The following CHD1L variants were observed in gnomAD, a reference collection of about 807,000 sequenced individuals.
CHD1L encodes the protein ATP-dependent chromatin remodeler CHD1L.
CHD1L carries 118 observed loss-of-function variants against 115.9 expected under a neutral mutation model. That is an observed-to-expected ratio of 1.02 (90% CI 0.88 to 1.19). The LOEUF is 1.19. Among genes scored for constraint, CHD1L ranks in the 50% most tolerant of loss-of-function variants. The pLI is 0.00. For missense variants in CHD1L, 1,179 were observed against 1,065.3 expected, an observed-to-expected ratio of 1.11 and a Z score of -1.49; for synonymous variants, 411 against 387.1, an observed-to-expected ratio of 1.06 and a Z score of -0.72.
chr1:147,179,363 A>C, the CHD1L span: 5 of 1,600,344 alleles, frequency 3.1e-6, no homozygotes, highest in Admixed American at 5.0e-5. Flanking sequence ...CCCAAGTATA[A>C]AGAACTTGGC....
the CHD1L span, chr1:147,203,854 C>A: frequency 7.0e-6 from 11 of 1,580,676 alleles, no homozygotes; most frequent in Non-Finnish European, 9.6e-6. Context: ...TAAAAACCAC[C>A]ACCTGAGTAT....
chr1:147,277,728 G>A (rs59213667), intron 14 of CHD1L, among the ~76,000 whole-genome samples: 2,138 of 152,186 alleles, frequency 0.014, 42 homozygotes, highest in African/African-American at 0.049. Flanking sequence ...GAGAGGTAGA[G>A]GTACGCTGTA....
chr1:147,284,372 A>G lies in CHD1L; in HGVS notation c.1727A>G (p.Glu576Gly), dbSNP rs368117603. 39 of 1,581,924 alleles carry G rather than the reference A, an allele frequency of 2.5e-5. No homozygotes were observed. The highest frequency in any genetic ancestry group is 3.3e-5 in the Non-Finnish European group (38 of 1,164,456). Residue 576 changes from glutamate to glycine, a missense_variant, in exon 16 of 23, where the codon GAA (glutamate) becomes GGA (glycine). Physicochemically the swap from Glu to Gly is moderately conservative, Grantham distance 98. Transcript: ENST00000369258. ...EEGKNHMYLF[E>G]GKDYSKEPSK... ...TTAGAAAATCATATGTACTTATTTG[A>G]AGGTAAAGATTATTCTAAAGAGCCC...
chr1:147,233,446 C>T, the CHD1L span, among the ~76,000 whole-genome samples: 2 of 128,594 alleles, frequency 1.6e-5, no homozygotes, highest in African/African-American at 6.9e-5. Context: ...CCCGCCCGGC[C>T]AGCCGCCCCG....
the CHD1L span, chr1:147,179,393 T>C: frequency 1.3e-4 from 204 of 1,598,928 alleles, no homozygotes; most frequent in East Asian, 3.7e-3. Flanking sequence ...AGCAAAGACC[T>C]GAATATCGTC....
At chr1:147,231,794 G>T in the CHD1L span, among the ~76,000 whole-genome samples, 1 of 152,118 alleles carries the variant, frequency 6.6e-6, no homozygotes, top group South Asian at 2.1e-4. Context: ...GCAGTATTAG[G>T]GTGGGAGTGA....
chr1:147,211,736 G>A, the CHD1L span, among the ~76,000 whole-genome samples: 1 of 152,108 alleles, frequency 6.6e-6, no homozygotes, highest in African/African-American at 2.4e-5. Flanking sequence ...TTCAAAGTCT[G>A]CTATACAAAA....
the CHD1L span, among the ~76,000 whole-genome samples, chr1:147,224,686 A>G: frequency 6.6e-6 from 1 of 151,686 alleles, no homozygotes; most frequent in Non-Finnish European, 1.5e-5. Context: ...ATTTTTTTGC[A>G]TTTTTAGTAG....
At chr1:147,279,364 G>T (rs1418305257) in intron 14 of CHD1L, among the ~76,000 whole-genome samples, 1 of 152,146 alleles carries the variant, frequency 6.6e-6, no homozygotes, top group African/African-American at 2.4e-5. Context: ...TTTCTGCATG[G>T]TTCCTACAGC....
chr1:147,196,609 T>A, the CHD1L span, among the ~76,000 whole-genome samples: 1 of 152,080 alleles, frequency 6.6e-6, no homozygotes, highest in Admixed American at 6.5e-5. Context: ...AATTAAAAAA[T>A]TTTAAAAAGA....
intron 5 of CHD1L, among the ~76,000 whole-genome samples, chr1:147,258,612 C>T (rs1428103363): frequency 6.6e-6 from 1 of 152,162 alleles, no homozygotes; most frequent in African/African-American, 2.4e-5. Context: ...CCTCCCTCTA[C>T]TCGCTTCTCT....
chr1:147,287,834 G>T, intron 19 of CHD1L, 101 bp downstream of exon 19: 1 of 949,558 alleles, frequency 1.1e-6, no homozygotes, highest in Non-Finnish European at 1.6e-6. Context: ...TAAGGAATTA[G>T]AATAACCAGT....
intron 6 of CHD1L, among the ~76,000 whole-genome samples, chr1:147,261,230 A>C (rs1195379277): frequency 6.6e-6 from 1 of 152,066 alleles, no homozygotes; most frequent in Non-Finnish European, 1.5e-5. Context: ...TTTTTCACAG[A>C]CTGGGTAATT....
Position 147,275,926 on chromosome 1 carries a change from A to G in CHD1L, c.1386-178A>G, listed in dbSNP as rs141317534. Among the ~76,000 whole-genome samples, 898 of 152,340 alleles carry G rather than the reference A, an allele frequency of 5.9e-3. 4 individuals are homozygous for G. Among genetic ancestry groups the G allele is most frequent in the Non-Finnish European group, 9.3e-3 (634 of 68,028 alleles). On this transcript the variant is annotated intron_variant, in intron 13 of 22. Coordinates refer to ENST00000369258, the MANE Select transcript of CHD1L (RefSeq NM_004284.6). ...TTTGACTGTCTGGAATGGTTCAGAG[A>G]GAATTTCAGGCGAGTTCTCTCTAAC...
the CHD1L span, chr1:147,212,432 T>C: frequency 1.9e-5 from 30 of 1,613,958 alleles, no homozygotes; most frequent in Non-Finnish European, 2.5e-5. Flanking sequence ...CCAGATCCCC[T>C]CCAGAATTCC....
chr1:147,273,953 G>A (rs181802223), intron 12 of CHD1L, among the ~76,000 whole-genome samples: 10 of 152,322 alleles, frequency 6.6e-5, no homozygotes, highest in African/African-American at 2.2e-4. Flanking sequence ...ATGGATGTGG[G>A]TGTGGCTTAT....
the CHD1L span, among the ~76,000 whole-genome samples, chr1:147,194,646 C>T: frequency 6.6e-6 from 1 of 152,014 alleles, no homozygotes; most frequent in Non-Finnish European, 1.5e-5. Flanking sequence ...TGGCTGGTAC[C>T]GGTTGTTCCT....
intron 22 of CHD1L, 152 bp from the exon 23 acceptor site, chr1:147,295,279 A>G (rs1267973392): frequency 8.1e-6 from 5 of 614,746 alleles, no homozygotes; most frequent in African/African-American, 1.9e-5. Flanking sequence ...CAGCAGCAAT[A>G]AGTACTAATA....
intron 15 of CHD1L, among the ~76,000 whole-genome samples, chr1:147,280,526 G>A (rs879976794): frequency 6.6e-6 from 1 of 152,170 alleles, no homozygotes; most frequent in Non-Finnish European, 1.5e-5. Flanking sequence ...TCCTTGGTAT[G>A]ATGCTTTGCA....
Sources: allele counts gnomAD v4.1 joint callset (sites outside exome capture counted in the v4.1 genomes callset), GRCh38; gene constraint gnomAD v4.1.1; transcripts MANE v1.5; gene names NCBI Gene and HGNC (gene_info 2026-07-23, HGNC 2026-07-21).